Variants in CDH13 observed in about 807,000 individuals in gnomAD.
The protein encoded by CDH13 is cadherin 13, also known as cadherin-13.
In CDH13, 24 loss-of-function variants were observed where a neutral mutation model predicts 63.8. The observed-to-expected ratio is 0.38, with a 90% CI of 0.27 to 0.53. The LOEUF (loss-of-function observed/expected upper bound fraction) is 0.53. Ranked by LOEUF, CDH13 falls within the 20% of genes least tolerant of loss-of-function variation. CDH13 has a pLI of 0.85. For missense variants in CDH13, 1,049 were observed against 903.1 expected (o/e 1.16, Z -2.07); for synonymous variants, 503 against 355.3 (o/e 1.42, Z -4.67).
chr16:82,703,760 C>T (rs541784381), intron 1 of CDH13, among the ~76,000 whole-genome samples: 6 of 152,132 alleles, frequency 3.9e-5, no homozygotes, highest in Non-Finnish European at 4.4e-5. Context: ...TGGCTGCCCC[C>T]TCTGCTAATG....
chr16:82,691,150 G>C (rs1014370578), intron 1 of CDH13, among the ~76,000 whole-genome samples: 1 of 152,230 alleles, frequency 6.6e-6, no homozygotes, highest in Non-Finnish European at 1.5e-5. Context: ...AAATGAACAA[G>C]TCTGGACCTT....
chr16:83,511,083 T>G (rs2074546813), intron 7 of CDH13, among the ~76,000 whole-genome samples: 2 of 114,556 alleles, frequency 1.7e-5, no homozygotes, highest in African/African-American at 7.9e-5. Flanking sequence ...CATGCACGCA[T>G]GCACACACAC....
chr16:83,055,184 G>A (rs545219495), intron 3 of CDH13, among the ~76,000 whole-genome samples: 13 of 152,070 alleles, frequency 8.5e-5, no homozygotes, highest in African/African-American at 3.1e-4. Flanking sequence ...TCCAGATAAA[G>A]TAGAGGAAAG....
intron 7 of CDH13, among the ~76,000 whole-genome samples, chr16:83,600,040 C>T (rs1299212007): frequency 6.6e-6 from 1 of 152,152 alleles, no homozygotes; most frequent in African/African-American, 2.4e-5. Context: ...CTCAAGTTTT[C>T]CAGCTTCAGC....
intron 1 of CDH13, among the ~76,000 whole-genome samples, chr16:82,763,930 C>A (rs1212408386): frequency 6.6e-6 from 1 of 152,156 alleles, no homozygotes; most frequent in Non-Finnish European, 1.5e-5. Flanking sequence ...TCCTTGGCCT[C>A]CAAAAGTGCT....
At chr16:83,407,987 GT>G (rs2092072396) in intron 6 of CDH13, among the ~76,000 whole-genome samples, 1 of 152,054 alleles carries the variant, frequency 6.6e-6, no homozygotes. Context: ...CATTCCTTGG[GT>G]CATCTCTCAG....
chr16:83,707,854 AAAAAG>A (rs1249929897), intron 10 of CDH13, among the ~76,000 whole-genome samples: 9 of 141,568 alleles, frequency 6.4e-5, no homozygotes, highest in African/African-American at 2.1e-4. Flanking sequence ...AAAAAAAAAA[AAAAAG>A]AGCTGGGAAA....
chr16:83,412,778 G>A (rs756941219), intron 6 of CDH13, among the ~76,000 whole-genome samples: 6 of 152,318 alleles, frequency 3.9e-5, no homozygotes, highest in South Asian at 4.1e-4. Context: ...ACAATTCCAC[G>A]TGCACATAAG....
intron 5 of CDH13, among the ~76,000 whole-genome samples, chr16:83,259,275 C>G (rs1033258450): frequency 6.6e-6 from 1 of 152,160 alleles, no homozygotes; most frequent in African/African-American, 2.4e-5. Flanking sequence ...ATCTGGTATC[C>G]ACGTCATTGA....
At chr16:83,497,261 C>A (rs1598155832) in intron 7 of CDH13, among the ~76,000 whole-genome samples, 1 of 151,806 alleles carries the variant, frequency 6.6e-6, no homozygotes, top group African/African-American at 2.4e-5. Flanking sequence ...GGAACCAACC[C>A]AAATGTCCAA....
Position 82,679,092 on chromosome 16 carries a change from C to A in CDH13, c.45+51955C>A, listed in dbSNP as rs17264474. ...ATGTCTGTCTCTAGGACACGGTTCC[C>A]ATTATCCATGGGTCAAAGCTTGCCC... On this transcript the variant is annotated intron_variant, in intron 1 of 13. Transcript: ENST00000567109. Among the ~76,000 whole-genome samples the A allele has an allele frequency of 8.3e-3, 1,263 of 152,322 alleles. 9 individuals are homozygous for A. The highest frequency in any genetic ancestry group is 0.014 in the Non-Finnish European group (963 of 68,034).
intron 1 of CDH13, among the ~76,000 whole-genome samples, chr16:82,707,472 G>A (rs1445166755): frequency 6.6e-6 from 1 of 152,168 alleles, no homozygotes; most frequent in Non-Finnish European, 1.5e-5. Flanking sequence ...AGATGATAGG[G>A]TGCAGGGCCT....
intron 1 of CDH13, among the ~76,000 whole-genome samples, chr16:82,834,180 A>G (rs920622762): frequency 4.6e-5 from 7 of 152,170 alleles, no homozygotes; most frequent in Non-Finnish European, 8.8e-5. Flanking sequence ...TGGGAGATCC[A>G]TTTCTTCTCA....
At chr16:83,560,899 G>GCCCCCCC (rs138383978) in intron 7 of CDH13, among the ~76,000 whole-genome samples, 3 of 148,482 alleles carry the variant, frequency 2.0e-5, no homozygotes, top group African/African-American at 7.5e-5. Context: ...CATAAGGTTG[G>GCCCCCCC]CCCCCCCCCC....
At chr16:83,085,230 A>T (rs2033510534) in intron 3 of CDH13, among the ~76,000 whole-genome samples, 1 of 152,156 alleles carries the variant, frequency 6.6e-6, no homozygotes. Context: ...ATGAGAAAGA[A>T]GCAAAAGCAG....
intron 2 of CDH13, among the ~76,000 whole-genome samples, chr16:82,952,650 C>G (rs759181446): frequency 6.6e-6 from 1 of 152,180 alleles, no homozygotes; most frequent in Non-Finnish European, 1.5e-5. Context: ...TCAGATGATT[C>G]AATTCTCATA....
intron 2 of CDH13, among the ~76,000 whole-genome samples, chr16:82,888,075 T>C (rs766521564): frequency 3.5e-4 from 53 of 152,228 alleles, no homozygotes; most frequent in Non-Finnish European, 6.2e-4. Context: ...TTGTTTGTTT[T>C]TGTCTTTTTG....
At chr16:82,903,876 G>T (rs2041553425) in intron 2 of CDH13, among the ~76,000 whole-genome samples, 1 of 152,146 alleles carries the variant, frequency 6.6e-6, no homozygotes, top group Non-Finnish European at 1.5e-5. Flanking sequence ...AGTGCCTATA[G>T]CTAGGAAGTG....
intron 8 of CDH13, among the ~76,000 whole-genome samples, chr16:83,653,559 G>T (rs1912587804): frequency 6.6e-6 from 1 of 151,976 alleles, no homozygotes; most frequent in Non-Finnish European, 1.5e-5. Flanking sequence ...CCTAGAATCA[G>T]GAATTGTAGC....
Sources: allele counts gnomAD v4.1 joint callset (sites outside exome capture counted in the v4.1 genomes callset), GRCh38; gene constraint gnomAD v4.1.1; transcripts MANE v1.5; gene names NCBI Gene and HGNC (gene_info 2026-07-23, HGNC 2026-07-21).